Variants in CDH23 observed in about 807,000 individuals in gnomAD.
CDH23 encodes the protein cadherin-23.
Under a neutral mutation model 317.1 loss-of-function variants are expected in CDH23, and 189 were observed. The observed-to-expected ratio is 0.60, with a 90% CI of 0.53 to 0.67. The LOEUF (loss-of-function observed/expected upper bound fraction) is 0.67, where lower values mean the gene tolerates loss of function less well. Ranked by LOEUF, CDH23 falls within the 30% of genes least tolerant of loss-of-function variation. The pLI is 0.00. For missense variants in CDH23, 4,401 were observed against 4,592.4 expected (o/e 0.96, Z 1.20); for synonymous variants, 1,839 against 1,876.8 (o/e 0.98, Z 0.52).
At chr10:71,402,745 G>GCGCA (rs1554820919) in intron 1 of CDH23, among the ~76,000 whole-genome samples, 2 of 147,036 alleles carry the variant, frequency 1.4e-5, no homozygotes, top group Non-Finnish European at 3.0e-5. Context: ...GTGTGTGTGT[G>GCGCA]CACGCGCGCG....
intron 38 of CDH23, among the ~76,000 whole-genome samples, chr10:71,766,314 G>A (rs946485406): frequency 1.3e-5 from 2 of 152,296 alleles, no homozygotes; most frequent in South Asian, 2.1e-4. Context: ...TGTGCCAGGC[G>A]GGAACCGTCC....
Position 71,706,964 on chromosome 10 carries a change from C to T in CDH23, c.3021C>T (p.Asp1007=), listed in dbSNP as rs771887370. 144 of 1,607,136 alleles carry T rather than the reference C, an allele frequency of 9.0e-5. No homozygotes were observed. Among genetic ancestry groups the T allele is most frequent in the Non-Finnish European group, 1.2e-4 (139 of 1,177,104 alleles). The change falls in exon 26 of 70, where the codon GAC becomes GAT. Residue 1007 remains aspartate (D), a synonymous_variant. Coordinates refer to ENST00000224721, the MANE Select transcript of CDH23 (RefSeq NM_022124.6). ...TGTACAATGTGTCTGTGTCCGAGGA[C>T]GTGCCACGCGAGTTCCGGGTGGTCT... ...PAVYNVSVSE[D]VPREFRVVWL... is the part of the protein sequence containing the mutation.
intron 20 of CDH23, among the ~76,000 whole-genome samples, chr10:71,691,260 A>C (rs74145302): frequency 0.015 from 2,320 of 152,358 alleles, 70 homozygotes; most frequent in African/African-American, 0.052. Flanking sequence ...CAAGAGATCC[A>C]GGCTTTCAGC....
At chr10:71,658,293 GGA>G (rs138447278) in intron 14 of CDH23, among the ~76,000 whole-genome samples, 55 of 150,498 alleles carry the variant, frequency 3.7e-4, no homozygotes, top group Admixed American at 9.3e-4. Context: ...AGCGAGAGAT[GGA>G]GAGAGAGAGA....
intron 38 of CDH23, chr10:71,760,898 C>A (rs1158994709): frequency 3.1e-6 from 5 of 1,613,682 alleles, no homozygotes; most frequent in Non-Finnish European, 4.2e-6. Context: ...GATGGGTACA[C>A]CACACAGTTG....
In CDH23 at chr10:71,510,206, G is replaced by A. The variant is rs756701256; in HGVS notation, c.270G>A (p.Arg90=). 2.5e-6 allele frequency: 4 copies of A among 1,613,122 alleles called. No homozygotes were observed. The Admixed American group carries it at 5.0e-5, about 20-fold the overall frequency. Residue 90 remains arginine (R), a synonymous_variant, in exon 4 of 70, where the codon CGG becomes CGA. Coordinates refer to ENST00000224721, the MANE Select transcript of CDH23 (RefSeq NM_022124.6). ...VEPDTGVVWL[R]QPLDRETKSE... Reference sequence around the variant, plus strand: ...CTGACACTGGCGTGGTGTGGCTCCGGCAGCCACTGGACAGAGAGGTATGAC... The same window carrying A: ...CTGACACTGGCGTGGTGTGGCTCCGACAGCCACTGGACAGAGAGGTATGAC...
intron 48 of CDH23, 85 bp downstream of exon 48, chr10:71,793,725 C>A (rs1841329316): frequency 3.8e-6 from 4 of 1,049,072 alleles, no homozygotes; most frequent in Non-Finnish European, 4.0e-6. Context: ...TTTCTCCTTT[C>A]TCTTTCTTTG....
intron 6 of CDH23, among the ~76,000 whole-genome samples, chr10:71,532,612 A>G (rs1005513687): frequency 6.6e-6 from 1 of 151,968 alleles, no homozygotes; most frequent in African/African-American, 2.4e-5. Context: ...AGACTCAGGC[A>G]ACCTGACCTT....
At chr10:71,447,876 G>A (rs7907213) in intron 3 of CDH23, among the ~76,000 whole-genome samples, 121 of 152,316 alleles carry the variant, frequency 7.9e-4, no homozygotes, top group African/African-American at 2.7e-3. Context: ...CCCAGACCTG[G>A]GGTGGGGCTG....
At position 71,803,337 on chromosome 10, in the gene CDH23, C is replaced by T. The variant is rs758821326; in HGVS notation, c.7789C>T (p.Leu2597Phe). ...GEPPLWGTTM[L>F]LVEVIDVNDN... ...GCCCCCACTCTGGGGCACCACCATG[C>T]TCCTGGTGGAGGTCATCGACGTCAA... is the stretch of plus-strand genomic sequence containing the variant. The change falls in exon 55 of 70, where the codon CTC (leucine) becomes TTC (phenylalanine). Residue 2597 changes from leucine (L) to phenylalanine (F), a missense_variant. Leu to Phe is a conservative substitution (Grantham distance 22, BLOSUM62 0). This residue lies in a region of CDH23 where 1,144 missense variants were observed against 1,138.2 expected (regional missense o/e 1.01). Coordinates refer to ENST00000224721, the MANE Select transcript of CDH23 (RefSeq NM_022124.6). The T allele has an allele frequency of 6.3e-7, 1 of 1,596,722 alleles. No homozygotes were observed. Among genetic ancestry groups the T allele is most frequent in the East Asian group, 2.3e-5 (1 of 43,644 alleles).
intron 1 of CDH23, among the ~76,000 whole-genome samples, chr10:71,432,847 G>A (rs1849461134): frequency 6.6e-6 from 1 of 152,152 alleles, no homozygotes; most frequent in Non-Finnish European, 1.5e-5. Flanking sequence ...CATGTCCCTA[G>A]AAACGTCTGG....
chr10:71,403,557 G>A (rs1329116993), intron 1 of CDH23, among the ~76,000 whole-genome samples: 1 of 131,522 alleles, frequency 7.6e-6, no homozygotes. Context: ...TCTCTCTTTC[G>A]CCAACCTGGA....
chr10:71,809,287 T>C (rs1273314530), intron 60 of CDH23, among the ~76,000 whole-genome samples: 1 of 148,660 alleles, frequency 6.7e-6, no homozygotes, highest in African/African-American at 2.5e-5. Flanking sequence ...CAAGTGATTC[T>C]CCTGCCTCAG....
intron 1 of CDH23, among the ~76,000 whole-genome samples, chr10:71,430,343 C>T (rs1849312998): frequency 6.6e-6 from 1 of 151,932 alleles, no homozygotes; most frequent in Non-Finnish European, 1.5e-5. Context: ...GGGGAAACCG[C>T]TTTTTCCTCA....
At chr10:71,694,034 C>A (rs1865281455) in intron 20 of CDH23, 113 bp from the exon 21 acceptor site, 1 of 847,662 alleles carries the variant, frequency 1.2e-6, no homozygotes. Flanking sequence ...AGCTTGCTAA[C>A]ATTTCTCGTG....
chr10:71,566,696 G>T, intron 6 of CDH23, 46 bp from the exon 7 acceptor site: 2 of 1,519,896 alleles, frequency 1.3e-6, no homozygotes, highest in South Asian at 1.3e-5. Context: ...TGGCGCAGCT[G>T]CTCCGCACTG....
At position 71,784,911 on chromosome 10, in the gene CDH23, G is replaced by A. The variant is rs369513655; in HGVS notation, c.5523G>A (p.Val1841=). Reference sequence around the variant, plus strand: ...CCCAGATGCTGGTGGGGATCCGGGTGCTGGACATCAACGACAACGACCCTG... The same window carrying A: ...CCCAGATGCTGGTGGGGATCCGGGTACTGGACATCAACGACAACGACCCTG... ...LSSTMLVGIR[V]LDINDNDPVL... is the part of the protein sequence containing the mutation. The change falls in exon 43 of 70, where the codon GTG becomes GTA. Residue 1841 remains valine, a synonymous_variant. Coordinates refer to ENST00000224721, the MANE Select transcript of CDH23 (RefSeq NM_022124.6). 129 of 1,613,986 alleles carry A rather than the reference G, an allele frequency of 8.0e-5. 1 individual carries two copies. Among genetic ancestry groups the A allele is most frequent in the Middle Eastern group, 4.9e-4 (3 of 6,062 alleles).
intron 6 of CDH23, among the ~76,000 whole-genome samples, chr10:71,557,172 T>G (rs1173720290): frequency 6.6e-6 from 1 of 152,240 alleles, no homozygotes; most frequent in East Asian, 1.9e-4. Flanking sequence ...TATGTAAATG[T>G]TATTCACAGC....
intron 11 of CDH23, among the ~76,000 whole-genome samples, chr10:71,618,945 A>T (rs1459606326): frequency 6.6e-6 from 1 of 152,208 alleles, no homozygotes; most frequent in Non-Finnish European, 1.5e-5. Context: ...CCTGCTGTTT[A>T]CAAGGAGCTA....
Sources: gnomAD v4.1 joint callset for allele counts (sites outside exome capture counted in the v4.1 genomes callset) on GRCh38, gnomAD v4.1.1 for gene constraint, gnomAD v4.1.1 regional missense constraint, MANE v1.5 for transcripts, NCBI Gene and HGNC (gene_info 2026-07-23, HGNC 2026-07-21) for gene names.